SGTA: variants seen among roughly 807,000 people sequenced by gnomAD.
SGTA encodes the protein small glutamine rich tetratricopeptide repeat co-chaperone alpha.
A neutral mutation model predicts 44.3 loss-of-function variants in SGTA; 22 were observed. That is an observed-to-expected ratio of 0.50 (90% CI 0.36 to 0.71). The LOEUF (loss-of-function observed/expected upper bound fraction) is 0.71. Ranked by LOEUF, SGTA falls within the 30% of genes least tolerant of loss-of-function variation. SGTA has a pLI of 0.00. For missense variants in SGTA, 341 were observed against 435.9 expected, an observed-to-expected ratio of 0.78 and a Z score of 1.94; for synonymous variants, 174 against 177.6, an observed-to-expected ratio of 0.98 and a Z score of 0.16.
chr19:2,783,050 T>A (rs1429542166), intron 1 of SGTA, among the ~76,000 whole-genome samples, 183 bp downstream of exon 1: 1 of 152,160 alleles, frequency 6.6e-6, no homozygotes, highest in East Asian at 1.9e-4. Flanking sequence ...AGATCAGGGC[T>A]CGAAGGGCCT....
chr19:2,757,322 G>A lies in SGTA; in HGVS notation c.*6+15C>T. ...CCTGCTGGCCACCCCCCAGCCCCCG[G>A]CCCCATGCACTCACGCAGCGTCACT... On this transcript the variant is annotated intron_variant, in intron 11 of 11. Transcript: ENST00000221566. 6.3e-7 allele frequency: 1 copy of A among 1,598,676 alleles called. No individual in the cohort carries two copies. Among genetic ancestry groups the A allele is most frequent in the East Asian group, 2.2e-5 (1 of 44,842 alleles).
At position 2,765,370 on chromosome 19, in the gene SGTA, T is replaced by C; in HGVS notation, c.293-85A>G. ...GAGAGAGGAAAACACCGGCCTGGTG[T>C]CCACACAGACCCGAGGGGGCGTCAC... is the stretch of plus-strand genomic sequence containing the variant. On this transcript the variant is annotated intron_variant, in intron 4 of 11. Transcript: ENST00000221566. This position sits in a 1 kb window ranked among gnomAD's most constrained non-coding sequence, Gnocchi z 5.5. 2 of 1,013,088 alleles carry C rather than the reference T, an allele frequency of 2.0e-6. No individual in the cohort carries two copies. The highest frequency in any genetic ancestry group is 3.0e-6 in the Non-Finnish European group (2 of 661,372). 62.8% of individuals were successfully genotyped at this position (1,013,088 alleles called of 1,614,324 possible).
At chr19:2,772,514 C>T (rs1256839318) in intron 1 of SGTA, among the ~76,000 whole-genome samples, 2 of 152,224 alleles carry the variant, frequency 1.3e-5, no homozygotes, top group Non-Finnish European at 2.9e-5. Context: ...CGCTGACAGG[C>T]GGCTCCAGGG....
chr19:2,781,481 G>A (rs184269660), intron 1 of SGTA, among the ~76,000 whole-genome samples: 28 of 152,338 alleles, frequency 1.8e-4, no homozygotes, highest in African/African-American at 6.0e-4. Context: ...AAGGAGTGTG[G>A]CTGTGTTCCT....
chr19:2,756,802 C>T (rs1389589052), intron 11 of SGTA, among the ~76,000 whole-genome samples: 1 of 152,108 alleles, frequency 6.6e-6, no homozygotes, highest in South Asian at 2.1e-4. Context: ...ATGGGGGACA[C>T]TGAGTGTATT....
At position 2,767,546 on chromosome 19, in the gene SGTA, T is replaced by G; in HGVS notation, c.207+34A>C. 1 of 1,553,102 alleles carries G rather than the reference T, an allele frequency of 6.4e-7. No homozygotes were observed. The highest frequency in any genetic ancestry group is 8.9e-7 in the Non-Finnish European group (1 of 1,125,666). ...CTGCCTGCTGTTGCTGTTCTTATTTTGGGGGCAGTGGCTGGGGAAGCATCG... is the reference window on the plus strand; with the variant it reads ...CTGCCTGCTGTTGCTGTTCTTATTTGGGGGGCAGTGGCTGGGGAAGCATCG... On this transcript the variant is annotated intron_variant, in intron 3 of 11. Coordinates refer to ENST00000221566, the MANE Select transcript of SGTA (RefSeq NM_003021.4). This position sits in a 1 kb window ranked among gnomAD's most constrained non-coding sequence, Gnocchi z 7.3.
intron 1 of SGTA, chr19:2,778,137 A>T (rs958146867): frequency 1.3e-5 from 2 of 152,056 alleles, no homozygotes; most frequent in African/African-American, 4.8e-5. Flanking sequence ...CACACGCAAG[A>T]TCCTACCAGT....
At chr19:2,772,129 G>A (rs1915326771) in intron 1 of SGTA, among the ~76,000 whole-genome samples, 1 of 152,224 alleles carries the variant, frequency 6.6e-6, no homozygotes, top group Non-Finnish European at 1.5e-5. Context: ...ATGAGGCAAG[G>A]GGCAGGCCTG....
chr19:2,780,416 T>A (rs1039993343), intron 1 of SGTA, among the ~76,000 whole-genome samples: 1 of 152,098 alleles, frequency 6.6e-6, no homozygotes, highest in Admixed American at 6.5e-5. Flanking sequence ...CACCAGGAGA[T>A]CGCTGCACAC....
intron 1 of SGTA, among the ~76,000 whole-genome samples, chr19:2,771,310 G>C: frequency 6.6e-6 from 1 of 152,130 alleles, no homozygotes; most frequent in Non-Finnish European, 1.5e-5. Context: ...TGTAATCCCA[G>C]CTACTCGGGA....
intron 1 of SGTA, among the ~76,000 whole-genome samples, chr19:2,771,583 G>C (rs1047979561): frequency 1.3e-5 from 2 of 151,760 alleles, no homozygotes; most frequent in African/African-American, 4.8e-5. Flanking sequence ...ATCGGGGGGG[G>C]GGGGAGGGGT....
chr19:2,771,224 G>A (rs1475269846), intron 1 of SGTA, among the ~76,000 whole-genome samples: 1 of 152,198 alleles, frequency 6.6e-6, no homozygotes, highest in African/African-American at 2.4e-5. Flanking sequence ...AGGAGACAGA[G>A]ACCATCCTGG....
At chr19:2,774,968 A>G (rs1222031939) in intron 1 of SGTA, among the ~76,000 whole-genome samples, 1 of 151,944 alleles carries the variant, frequency 6.6e-6, no homozygotes. Flanking sequence ...GAGTGGGGGG[A>G]GGCCAGGGAC....
rs985591987 is a variant in SGTA, at chr19:2,755,846, C to A, written c.*94G>T. Reference sequence around the variant, plus strand: ...GTCCGAGGTCTCTCTCTTCCCCTCTCTCAGGCAGTCCAACAGGAGGAAGTG... The same window carrying A: ...GTCCGAGGTCTCTCTCTTCCCCTCTATCAGGCAGTCCAACAGGAGGAAGTG... On this transcript the variant is annotated 3_prime_UTR_variant, in exon 12 of 12. Transcript: ENST00000221566. This position sits in a 1 kb window ranked among gnomAD's most constrained non-coding sequence, Gnocchi z 5.2. 1.5e-5 allele frequency: 15 copies of A among 985,588 alleles called. No homozygotes were observed. The East Asian group carries it at 1.6e-3, about 104-fold the overall frequency. The allele number at this position is 985,588 out of a possible 1,614,324, so 61.1% of individuals were successfully genotyped here.
Position 2,763,217 on chromosome 19 carries a change from G to A in SGTA, c.497+436C>T, listed in dbSNP as rs992982649. 9.9e-5 allele frequency among the ~76,000 whole-genome samples: 15 copies of A among 152,152 alleles called. No individual in the cohort carries two copies. Among genetic ancestry groups the A allele is most frequent in the Admixed American group, 3.3e-4 (5 of 15,286 alleles). ...AGCAAGGGCATTCAGAGAAGCAGGC[G>A]AATGCACGCTTATGCTGGGAGGGCG... On this transcript the variant is annotated intron_variant, in intron 6 of 11. Coordinates refer to ENST00000221566, the MANE Select transcript of SGTA (RefSeq NM_003021.4). The surrounding 1 kb of genome is among the most constrained non-coding windows in gnomAD (Gnocchi z 5.8).
chr19:2,759,741 G>A (rs148523479), intron 8 of SGTA, among the ~76,000 whole-genome samples: 4,295 of 152,146 alleles, frequency 0.028, 186 homozygotes, highest in African/African-American at 0.095. Flanking sequence ...CAGGCAGATC[G>A]CTTGAGGTCA....
intron 1 of SGTA, among the ~76,000 whole-genome samples, chr19:2,775,725 C>T (rs6510701): frequency 0.8 from 121,152 of 152,026 alleles, 49,170 homozygotes; most frequent in East Asian, 1. Context: ...CTTCCTTGCT[C>T]CCTTTTGGGG....
At position 2,767,441 on chromosome 19, in the gene SGTA, C is replaced by T. The variant is rs1599502014; in HGVS notation, c.207+139G>A. Reference sequence around the variant, plus strand: ...GGGGGAGGAGGGCCAAGTGCTCCTGCAGCCACGTCCCCAGCCCAGGAGAGG... The same window carrying T: ...GGGGGAGGAGGGCCAAGTGCTCCTGTAGCCACGTCCCCAGCCCAGGAGAGG... On this transcript the variant is annotated intron_variant, in intron 3 of 11. Coordinates refer to ENST00000221566, the MANE Select transcript of SGTA (RefSeq NM_003021.4). This position sits in a 1 kb window ranked among gnomAD's most constrained non-coding sequence, Gnocchi z 7.3. 3.8e-6 allele frequency: 3 copies of T among 790,858 alleles called. No homozygotes were observed. The highest frequency in any genetic ancestry group is 5.3e-5 in the East Asian group (2 of 37,398). 49.0% of individuals were successfully genotyped at this position (790,858 alleles called of 1,614,324 possible). A position where few individuals can be genotyped will look rare whatever the true frequency, so the allele number is the denominator to read the frequency against.
intron 2 of SGTA, among the ~76,000 whole-genome samples, chr19:2,768,197 G>C (rs1371323031): frequency 3.3e-5 from 5 of 152,162 alleles, no homozygotes; most frequent in Admixed American, 3.3e-4. Flanking sequence ...TGGCCCACCT[G>C]ACAGACTCAG....
Sources: gnomAD v4.1 joint callset for allele counts (sites outside exome capture counted in the v4.1 genomes callset) on GRCh38, gnomAD v4.1.1 for gene constraint, Gnocchi (gnomAD v3.1) non-coding constraint, MANE v1.5 for transcripts, NCBI Gene and HGNC (gene_info 2026-07-23, HGNC 2026-07-21) for gene names.